ASTN2: variants seen among roughly 807,000 people sequenced by gnomAD.
ASTN2 encodes astrotactin 2, also known as astrotactin-2.
In ASTN2, 54 loss-of-function variants were observed where a neutral mutation model predicts 139.8. The observed-to-expected ratio is 0.39, with a 90% CI of 0.31 to 0.48. ASTN2 has a LOEUF of 0.48. ASTN2 is among the 20% of genes least tolerant of loss of function. The pLI, the probability that ASTN2 is intolerant of heterozygous loss-of-function variation, is 0.95. For missense variants in ASTN2, 1,565 were observed against 1,725.1 expected (o/e 0.91, Z 1.64); for synonymous variants, 756 against 719.5 (o/e 1.05, Z -0.81).
rs1225294535 is a variant in ASTN2, at chr9:116,565,181, C to T, written c.3355+53143G>A. 2.0e-5 allele frequency among the ~76,000 whole-genome samples: 3 copies of T among 148,342 alleles called. No individual in the cohort carries two copies. In the East Asian group the frequency reaches 6.0e-4, roughly 30 times the overall value. On this transcript the variant is annotated intron_variant, in intron 19 of 22. Transcript: ENST00000313400. Reference sequence around the variant, plus strand: ...CATGCATGTATATATGACTGAAATGCAAGCTTTATGAAAAAATCCTTAGGC... The same window carrying T: ...CATGCATGTATATATGACTGAAATGTAAGCTTTATGAAAAAATCCTTAGGC...
chr9:116,630,574 C>T (rs575286079), intron 17 of ASTN2, among the ~76,000 whole-genome samples: 1 of 152,212 alleles, frequency 6.6e-6, no homozygotes, highest in South Asian at 2.1e-4. Context: ...TTGTCTTGGT[C>T]AGTCCCAAGT....
At chr9:117,256,061 C>T (rs1201736579) in intron 2 of ASTN2, among the ~76,000 whole-genome samples, 2 of 152,160 alleles carry the variant, frequency 1.3e-5, no homozygotes, top group Admixed American at 1.3e-4. Flanking sequence ...AACACTGCCT[C>T]GTTTTCAATG....
chr9:117,350,414 G>T (rs961890893), intron 1 of ASTN2, among the ~76,000 whole-genome samples: 1 of 152,018 alleles, frequency 6.6e-6, no homozygotes, highest in African/African-American at 2.4e-5. Flanking sequence ...GCCAAGCGTG[G>T]TCGTGGGCAC....
At chr9:117,088,421 A>G (rs1462950984) in intron 5 of ASTN2, among the ~76,000 whole-genome samples, 1 of 152,154 alleles carries the variant, frequency 6.6e-6, no homozygotes. Flanking sequence ...TATATTTCAT[A>G]ACAGGAGGCT....
chr9:117,016,635 T>G (rs1234905830), intron 6 of ASTN2, among the ~76,000 whole-genome samples: 1 of 20,700 alleles, frequency 4.8e-5, no homozygotes, highest in Non-Finnish European at 1.2e-4. Context: ...TATATATATA[T>G]ATATATATAT....
Position 116,599,379 on chromosome 9 carries a change from T to C in ASTN2, c.3355+18945A>G, listed in dbSNP as rs777158658. 9.2e-5 allele frequency among the ~76,000 whole-genome samples: 14 copies of C among 152,366 alleles called. No homozygotes were observed. The South Asian group carries it at 1.7e-3, about 18-fold the overall frequency. ...CCAATATTTCAGATAAGCGAGAGTATTGTAACTGTGTTCATTTTCAAAAGG... is the reference window on the plus strand; with the variant it reads ...CCAATATTTCAGATAAGCGAGAGTACTGTAACTGTGTTCATTTTCAAAAGG... On this transcript the variant is annotated intron_variant, in intron 19 of 22. Coordinates refer to ENST00000313400, the MANE Select transcript of ASTN2 (RefSeq NM_001365068.1).
chr9:117,246,207 A>G (rs1402268289), intron 2 of ASTN2, among the ~76,000 whole-genome samples: 1 of 152,248 alleles, frequency 6.6e-6, no homozygotes, highest in Non-Finnish European at 1.5e-5. Flanking sequence ...GGAGTAATGA[A>G]AAAGTCCTTG....
chr9:116,729,303 T>C (rs1017903978), intron 14 of ASTN2, among the ~76,000 whole-genome samples: 1 of 152,150 alleles, frequency 6.6e-6, no homozygotes. Flanking sequence ...CTCTGCTCTA[T>C]AGCTTGCAAG....
At chr9:116,794,792 G>A (rs2132228383) in intron 13 of ASTN2, among the ~76,000 whole-genome samples, 1 of 152,280 alleles carries the variant, frequency 6.6e-6, no homozygotes, top group South Asian at 2.1e-4. Context: ...ATTGGGAAAT[G>A]AACAGAGGAT....
rs1209648682 is a variant in ASTN2 at position 117,414,776 on chromosome 9, C to T, written c.163G>A (p.Ala55Thr). 4.8e-6 allele frequency: 6 copies of T among 1,262,504 alleles called. No individual in the cohort carries two copies. Among genetic ancestry groups the T allele is most frequent in the Non-Finnish European group, 6.0e-6 (6 of 1,002,606 alleles). 78.2% of individuals were successfully genotyped at this position (1,262,504 alleles called of 1,614,324 possible). A position where few individuals can be genotyped will look rare whatever the true frequency, so the allele number is the denominator to read the frequency against. ...PPLLAGATAA[A>T]SREPDSPCRL... Reference sequence around the variant, plus strand: ...CACGGGCTGTCGGGCTCCCGCGAGGCAGCGGCGGTGGCGCCGGCCAGCAGC... The same window carrying T: ...CACGGGCTGTCGGGCTCCCGCGAGGTAGCGGCGGTGGCGCCGGCCAGCAGC... The change falls in exon 1 of 23, where the codon GCC (alanine) becomes ACC (threonine). Residue 55 changes from alanine (A) to threonine (T), a missense_variant. Physicochemically the swap from Ala to Thr is moderately conservative, Grantham distance 58. This residue lies in a region of ASTN2 where 596 missense variants were observed against 576.8 expected (regional missense o/e 1.03). Transcript: ENST00000313400. The surrounding 1 kb of genome is among the most constrained non-coding windows in gnomAD (Gnocchi z 4.2).
chr9:116,997,394 T>C (rs1425886286), intron 7 of ASTN2, among the ~76,000 whole-genome samples: 1 of 152,194 alleles, frequency 6.6e-6, no homozygotes, highest in African/African-American at 2.4e-5. Context: ...GTAGTTTCCC[T>C]ACAACCCATA....
At chr9:117,353,639 C>G (rs963426417) in intron 1 of ASTN2, among the ~76,000 whole-genome samples, 4 of 152,056 alleles carry the variant, frequency 2.6e-5, no homozygotes, top group Admixed American at 6.6e-5. Context: ...CCAACAATTA[C>G]CAGCACAACC....
At chr9:116,588,527 G>A (rs1854250917) in intron 19 of ASTN2, among the ~76,000 whole-genome samples, 1 of 152,132 alleles carries the variant, frequency 6.6e-6, no homozygotes, top group Admixed American at 6.5e-5. Flanking sequence ...AATTAGGATA[G>A]GCTTTGAAAC....
chr9:116,882,115 A>G (rs1395861950), intron 10 of ASTN2, among the ~76,000 whole-genome samples: 1 of 152,136 alleles, frequency 6.6e-6, no homozygotes, highest in Non-Finnish European at 1.5e-5. Flanking sequence ...TTATTATTAC[A>G]AATATATTTA....
At chr9:116,530,710 G>A (rs1392244907) in intron 19 of ASTN2, among the ~76,000 whole-genome samples, 1 of 152,070 alleles carries the variant, frequency 6.6e-6, no homozygotes, top group African/African-American at 2.4e-5. Context: ...TAGGCCAGAA[G>A]ACTCTTCAAT....
In ASTN2 at chr9:117,095,946, T is replaced by G. The variant is rs1828829760; in HGVS notation, c.1276+98A>C. The G allele has an allele frequency of 2.6e-6, 3 of 1,135,672 alleles. No homozygotes were observed. In the African/African-American group the frequency reaches 4.6e-5, roughly 17 times the overall value. 70.3% of individuals were successfully genotyped at this position (1,135,672 alleles called of 1,614,324 possible). A position where few individuals can be genotyped will look rare whatever the true frequency, so the allele number is the denominator to read the frequency against. ...CAGTTTTAACCAGATGGGGACCAGG[T>G]TAGAGAAGATTTAGGATTTGCTAGT... On this transcript the variant is annotated intron_variant, in intron 5 of 22. Transcript: ENST00000313400.
At chr9:117,371,705 A>G (rs1303848314) in intron 1 of ASTN2, among the ~76,000 whole-genome samples, 1 of 152,146 alleles carries the variant, frequency 6.6e-6, no homozygotes, top group East Asian at 1.9e-4. Flanking sequence ...TGTCTGAAAG[A>G]TGGAAAGCAT....
At chr9:116,869,078 G>T (rs188919170) in intron 10 of ASTN2, among the ~76,000 whole-genome samples, 18 of 152,164 alleles carry the variant, frequency 1.2e-4, no homozygotes, top group African/African-American at 4.1e-4. Flanking sequence ...CCAGCTACTC[G>T]GGAGGCTGAA....
chr9:116,434,167 A>G (rs1423132113), intron 22 of ASTN2, among the ~76,000 whole-genome samples: 1 of 152,216 alleles, frequency 6.6e-6, no homozygotes, highest in Non-Finnish European at 1.5e-5. Context: ...CCATGCTTTA[A>G]TAACAGCCAT....
Sources: allele counts gnomAD v4.1 joint callset (sites outside exome capture counted in the v4.1 genomes callset), GRCh38; gene constraint gnomAD v4.1.1; regional missense constraint gnomAD v4.1.1; non-coding constraint Gnocchi (gnomAD v3.1); transcripts MANE v1.5; gene names NCBI Gene and HGNC (gene_info 2026-07-23, HGNC 2026-07-21).